Variants in WDR27 observed in about 807,000 individuals in gnomAD.
The protein encoded by WDR27 is WD repeat domain 27, also known as WD repeat-containing protein 27.
WDR27 carries 100 observed loss-of-function variants against 114.4 expected under a neutral mutation model. That is an observed-to-expected ratio of 0.87 (90% confidence interval 0.74 to 1.03). The LOEUF is 1.03. Ranked by LOEUF, WDR27 falls within the 50% of genes least tolerant of loss-of-function variation. The probability of loss-of-function intolerance (pLI) is 0.00; values close to 1 mark genes in which losing one functional copy is unlikely to be tolerated. For synonymous variants in WDR27, 449 were observed against 423.1 expected, an observed-to-expected ratio of 1.06 and a Z score of -0.75; for missense variants, 1,129 against 1,092.9, an observed-to-expected ratio of 1.03 and a Z score of -0.47.
Position 169,662,318 on chromosome 6 carries a change from A to G in WDR27, c.1011T>C (p.Asn337=), listed in dbSNP as rs373428167. 93 of 1,613,728 alleles carry G rather than the reference A, an allele frequency of 5.8e-5. No individual in the cohort carries two copies. Among genetic ancestry groups the G allele is most frequent in the Non-Finnish European group, 7.6e-5 (90 of 1,179,736 alleles). ...LAPCDLSLIP[N]SACGCLSSEN... is the part of the protein sequence containing the mutation. Reference sequence around the variant, plus strand: ...TTGATACTTACCATCCACATGCAGAATTTGGGATGAGTGAGAGATCACAGG... The same window carrying G: ...TTGATACTTACCATCCACATGCAGAGTTTGGGATGAGTGAGAGATCACAGG... The change falls in exon 9 of 26, where the codon AAT becomes AAC. Residue 337 remains asparagine, a synonymous_variant. Transcript: ENST00000448612.
intron 25 of WDR27, among the ~76,000 whole-genome samples, chr6:169,472,214 C>CT (rs1217476818): frequency 6.6e-6 from 1 of 152,042 alleles, no homozygotes; most frequent in East Asian, 1.9e-4. Flanking sequence ...AATAACAGGG[C>CT]TTTTTTAGAG....
chr6:169,494,031 A>G (rs1790102819), intron 25 of WDR27, among the ~76,000 whole-genome samples: 2 of 152,206 alleles, frequency 1.3e-5, no homozygotes, highest in African/African-American at 4.8e-5. Context: ...TAGATACAAT[A>G]TAGATTTATT....
Position 169,616,261 on chromosome 6 carries a change from G to A in WDR27, c.2224-2605C>T, listed in dbSNP as rs113432064. ...ATCCCAAGTGTTGGGAGGCCAAGGC[G>A]GGCGGATCACGAGGTCAAGAGATCG... On this transcript the variant is annotated intron_variant, in intron 21 of 25. Coordinates refer to ENST00000448612, the MANE Select transcript of WDR27 (RefSeq NM_182552.5). 3.7e-4 allele frequency among the ~76,000 whole-genome samples: 57 copies of A among 152,250 alleles called. No homozygotes were observed. The East Asian group carries it at 8.3e-3, about 22-fold the overall frequency.
intron 25 of WDR27, among the ~76,000 whole-genome samples, chr6:169,562,940 C>T (rs1256577864): frequency 2.0e-5 from 3 of 152,100 alleles, no homozygotes; most frequent in African/African-American, 4.8e-5. Context: ...AAATGCCTGG[C>T]CTGGCTCAGA....
intron 25 of WDR27, among the ~76,000 whole-genome samples, chr6:169,527,057 T>C (rs1243478653): frequency 6.6e-6 from 1 of 152,224 alleles, no homozygotes; most frequent in Non-Finnish European, 1.5e-5. Context: ...GAATGTAAAA[T>C]AATGTAGCCA....
chr6:169,532,682 G>C (rs1795736534), intron 25 of WDR27, among the ~76,000 whole-genome samples: 1 of 152,082 alleles, frequency 6.6e-6, no homozygotes, highest in African/African-American at 2.4e-5. Flanking sequence ...TGTGACATAG[G>C]TGTATTTGTC....
intron 25 of WDR27, among the ~76,000 whole-genome samples, chr6:169,501,660 G>A (rs1277575829): frequency 6.6e-6 from 1 of 152,136 alleles, no homozygotes; most frequent in Admixed American, 6.5e-5. Flanking sequence ...GTTCTCATTC[G>A]GTGAATCTGT....
chr6:169,657,638 T>C (rs1824606702), intron 13 of WDR27: 2 of 152,574 alleles, frequency 1.3e-5, no homozygotes, highest in African/African-American at 2.4e-5. Context: ...TCAGTGAGCC[T>C]TGAAAGAAAG....
rs960483197 is a variant in WDR27, at chr6:169,651,676, G to A, written c.1481+254C>T. On this transcript the variant is annotated intron_variant, in intron 14 of 25. Transcript: ENST00000448612. ...TCCCCTCACCTCCCGGGACCACCAC[G>A]TTATCAGAAAAGGACTCGGAGGACT... Among the ~76,000 whole-genome samples the A allele has an allele frequency of 9.9e-5, 15 of 152,060 alleles. No individual in the cohort carries two copies. The East Asian group carries it at 1.5e-3, about 16-fold the overall frequency.
At chr6:169,597,877 T>TACACACACAC (rs67336814) in intron 23 of WDR27, among the ~76,000 whole-genome samples, 5,966 of 142,208 alleles carry the variant, frequency 0.042, 230 homozygotes, top group East Asian at 0.2. Flanking sequence ...TTACCATTCA[T>TACACACACAC]ACACACACAC....
At chr6:169,575,551 C>T (rs1385829950) in intron 24 of WDR27, among the ~76,000 whole-genome samples, 1 of 152,172 alleles carries the variant, frequency 6.6e-6, no homozygotes, top group Non-Finnish European at 1.5e-5. Flanking sequence ...AGGCAGGCAG[C>T]CTGAGTTTCC....
intron 25 of WDR27, among the ~76,000 whole-genome samples, chr6:169,522,178 T>C (rs1370268224): frequency 6.6e-6 from 1 of 151,760 alleles, no homozygotes; most frequent in Non-Finnish European, 1.5e-5. Context: ...AGGTCAAGAG[T>C]AGCTATACTT....
chr6:169,670,958 C>T, intron 3 of WDR27: 1 of 414,868 alleles, frequency 2.4e-6, no homozygotes, highest in Non-Finnish European at 4.3e-6. Flanking sequence ...GCTGCAGTAC[C>T]TGTGCAGTGA....
chr6:169,631,104 C>G (rs1816242591), intron 21 of WDR27, among the ~76,000 whole-genome samples: 1 of 152,110 alleles, frequency 6.6e-6, no homozygotes, highest in South Asian at 2.1e-4. Flanking sequence ...AACACAGAAA[C>G]ATGGAGTATT....
rs9383509 is a variant in WDR27 at position 169,635,134 on chromosome 6, G to A, written c.2004-609C>T. Among the ~76,000 whole-genome samples the A allele has an allele frequency of 3.6e-4, 55 of 152,212 alleles. No individual in the cohort carries two copies. In the East Asian group the frequency reaches 8.1e-3, roughly 23 times the overall value. On this transcript the variant is annotated intron_variant, in intron 19 of 25. Transcript: ENST00000448612. ...TGTAATCCCAGCACTTTGGGAGGCC[G>A]AGGCGGGCAGATCACGAGGTCAGGA...
intron 2 of WDR27, among the ~76,000 whole-genome samples, chr6:169,681,818 C>T (rs1020550507): frequency 2.0e-5 from 3 of 152,168 alleles, no homozygotes; most frequent in Non-Finnish European, 4.4e-5. Context: ...CATGACAGAT[C>T]CTGAGGGTAC....
chr6:169,571,045 G>C (rs933596602), intron 25 of WDR27, among the ~76,000 whole-genome samples: 3 of 152,122 alleles, frequency 2.0e-5, no homozygotes, highest in African/African-American at 7.2e-5. Flanking sequence ...AAGAAATAGT[G>C]CAATCTTGCT....
chr6:169,552,607 C>G (rs1798301609), intron 25 of WDR27, among the ~76,000 whole-genome samples: 1 of 152,178 alleles, frequency 6.6e-6, no homozygotes. Flanking sequence ...GAGGTAAAGG[C>G]AAGATTCATG....
chr6:169,552,787 T>C (rs904146164), intron 25 of WDR27, among the ~76,000 whole-genome samples: 5 of 152,224 alleles, frequency 3.3e-5, no homozygotes, highest in African/African-American at 1.2e-4. Context: ...TTTTCATGCA[T>C]GTTGTCTGTA....
Sources: gnomAD v4.1 joint callset for allele counts (sites outside exome capture counted in the v4.1 genomes callset) on GRCh38, gnomAD v4.1.1 for gene constraint, MANE v1.5 for transcripts, NCBI Gene and HGNC (gene_info 2026-07-23, HGNC 2026-07-21) for gene names.